MEIKIN: variants seen among roughly 807,000 people sequenced by gnomAD.
MEIKIN encodes meiotic kinetochore factor, also known as meiosis-specific kinetochore protein.
chr5:131,824,906 C>A (rs904048552), intron 11 of MEIKIN, among the ~76,000 whole-genome samples: 2 of 151,962 alleles, frequency 1.3e-5, no homozygotes, highest in African/African-American at 4.8e-5. Flanking sequence ...AATAATCAAG[C>A]CAGGTGCAGT....
intron 11 of MEIKIN, among the ~76,000 whole-genome samples, chr5:131,847,256 G>C (rs1463538745): frequency 1.3e-5 from 2 of 151,814 alleles, no homozygotes; most frequent in Admixed American, 1.3e-4. Flanking sequence ...AGAAAAACTG[G>C]GATTGGCAAA....
intron 8 of MEIKIN, among the ~76,000 whole-genome samples, chr5:131,897,667 A>T (rs1423054703): frequency 1.3e-5 from 2 of 151,942 alleles, no homozygotes; most frequent in Non-Finnish European, 2.9e-5. Flanking sequence ...CCTTTCTTCC[A>T]CTTGATGAAA....
Position 131,945,426 on chromosome 5 carries a change from G to C in MEIKIN, c.80C>G (p.Ser27Cys), listed in dbSNP as rs1488963732. The change falls in exon 1 of 13, where the codon TCT becomes TGT. Residue 27 changes from serine (S) to cysteine (C), a missense_variant. Ser to Cys is a moderately radical substitution (Grantham distance 112). Transcript: ENST00000442687. ...TGGCGGGGCCTCGGCCTTCGCTGGA[G>C]AGCCTAGGTCTGGCGTCGGGGTGAG... ...LNLTPTPDLG[S>C]PAKAEAPPGS... 2.5e-6 allele frequency: 1 copy of C among 399,178 alleles called. No homozygotes were observed. Among genetic ancestry groups the C allele is most frequent in the African/African-American group, 2.1e-5 (1 of 48,650 alleles). The allele number at this position is 399,178 out of a possible 1,614,324, so 24.7% of individuals were successfully genotyped here. A position where few individuals can be genotyped will look rare whatever the true frequency, so the allele number is the denominator to read the frequency against.
intron 3 of MEIKIN, among the ~76,000 whole-genome samples, chr5:131,943,281 C>CA (rs1313243617): frequency 6.6e-6 from 1 of 152,050 alleles, no homozygotes; most frequent in Admixed American, 6.5e-5. Flanking sequence ...CTATCTATTT[C>CA]ATATATATAC....
chr5:131,838,588 C>T (rs1322496181), intron 11 of MEIKIN, among the ~76,000 whole-genome samples: 1 of 151,786 alleles, frequency 6.6e-6, no homozygotes, highest in Non-Finnish European at 1.5e-5. Context: ...GTGGAGGGTG[C>T]ATGTGTACAG....
chr5:131,881,955 C>A (rs1750708231), intron 8 of MEIKIN, among the ~76,000 whole-genome samples: 1 of 151,958 alleles, frequency 6.6e-6, no homozygotes, highest in South Asian at 2.1e-4. Context: ...TTGATATGTC[C>A]AAAAAAATTA....
chr5:131,928,538 C>A (rs190760058), intron 5 of MEIKIN, among the ~76,000 whole-genome samples: 1 of 152,168 alleles, frequency 6.6e-6, no homozygotes, highest in East Asian at 1.9e-4. Context: ...ACTTCTCCCC[C>A]TCCTGCACTT....
chr5:131,929,506 C>A (rs1751645488), intron 5 of MEIKIN, among the ~76,000 whole-genome samples: 1 of 152,128 alleles, frequency 6.6e-6, no homozygotes, highest in Non-Finnish European at 1.5e-5. Context: ...TCACTAATGG[C>A]ATAATGCTAA....
At chr5:131,871,460 G>A (rs1013718584) in intron 9 of MEIKIN, among the ~76,000 whole-genome samples, 3 of 152,194 alleles carry the variant, frequency 2.0e-5, no homozygotes, top group African/African-American at 4.8e-5. Context: ...AGGGGCGCCC[G>A]CCATTCCCGA....
intron 9 of MEIKIN, among the ~76,000 whole-genome samples, chr5:131,858,090 C>T (rs1170286672): frequency 1.3e-4 from 20 of 152,220 alleles, no homozygotes; most frequent in Non-Finnish European, 2.5e-4. Flanking sequence ...ACACCGGGCC[C>T]CTCCAGTGCA....
At chr5:131,880,404 ATTT>A (rs57737828) in intron 8 of MEIKIN, among the ~76,000 whole-genome samples, 3 of 134,954 alleles carry the variant, frequency 2.2e-5, no homozygotes, top group Non-Finnish European at 3.2e-5. Flanking sequence ...TGCCCGGCCT[ATTT>A]TTTTTTTTTT....
chr5:131,839,746 G>A (rs781515575), intron 11 of MEIKIN, among the ~76,000 whole-genome samples: 1 of 152,130 alleles, frequency 6.6e-6, no homozygotes, highest in Non-Finnish European at 1.5e-5. Flanking sequence ...GTATGTCACT[G>A]CATGTGAGAT....
chr5:131,809,868 T>C (rs1580853682), intron 12 of MEIKIN, among the ~76,000 whole-genome samples: 3 of 147,866 alleles, frequency 2.0e-5, no homozygotes. Context: ...AAAAGGGAGA[T>C]GAAGAAAGCT....
chr5:131,937,835 TTA>T (rs1751806108), intron 4 of MEIKIN, among the ~76,000 whole-genome samples: 1 of 152,152 alleles, frequency 6.6e-6, no homozygotes, highest in African/African-American at 2.4e-5. Flanking sequence ...AATTTAAAAA[TTA>T]TATAATGTTG....
At chr5:131,865,441 G>T (rs879743094) in intron 9 of MEIKIN, among the ~76,000 whole-genome samples, 1 of 152,178 alleles carries the variant, frequency 6.6e-6, no homozygotes, top group African/African-American at 2.4e-5. Flanking sequence ...GAATGGTCTC[G>T]ATCTCCTGAC....
At chr5:131,808,492 A>G (rs1486789525) in intron 12 of MEIKIN, among the ~76,000 whole-genome samples, 2 of 152,222 alleles carry the variant, frequency 1.3e-5, no homozygotes, top group African/African-American at 4.8e-5. Flanking sequence ...TATGTTAGTC[A>G]CTAAGCCCTG....
At chr5:131,917,190 T>A (rs1287727786) in intron 6 of MEIKIN, among the ~76,000 whole-genome samples, 1 of 152,224 alleles carries the variant, frequency 6.6e-6, no homozygotes. Context: ...ATTATCTTAC[T>A]TGATTCTTAC....
chr5:131,845,228 C>T (rs2149612865), intron 11 of MEIKIN, among the ~76,000 whole-genome samples: 2 of 141,484 alleles, frequency 1.4e-5, no homozygotes, highest in Non-Finnish European at 1.5e-5. Context: ...CGAGATGGCA[C>T]CACTGCACTC....
chr5:131,929,898 T>C (rs1010383284), intron 5 of MEIKIN, among the ~76,000 whole-genome samples: 1 of 152,250 alleles, frequency 6.6e-6, no homozygotes, highest in Admixed American at 6.5e-5. Flanking sequence ...TTCCATGGTG[T>C]ACGTGTACTA....
Sources: gnomAD v4.1 joint callset for allele counts (sites outside exome capture counted in the v4.1 genomes callset) on GRCh38, gnomAD v4.1.1 for gene constraint, MANE v1.5 for transcripts, NCBI Gene and HGNC (gene_info 2026-07-23, HGNC 2026-07-21) for gene names.